The following LRP1B variants were observed in gnomAD, a reference collection of about 807,000 sequenced individuals.
LRP1B encodes low-density lipoprotein receptor-related protein 1B.
Under a neutral mutation model 556.6 loss-of-function variants are expected in LRP1B, and 217 were observed. That is an observed-to-expected ratio of 0.39 (90% confidence interval 0.35 to 0.44). The LOEUF (loss-of-function observed/expected upper bound fraction) is 0.44, where lower values mean the gene tolerates loss of function less well. Ranked by LOEUF, LRP1B falls within the 20% of genes least tolerant of loss-of-function variation. The pLI, the probability that LRP1B is intolerant of heterozygous loss-of-function variation, is 1.00. For synonymous variants in LRP1B, 2,047 were observed against 1,865.8 expected (o/e 1.10, Z -2.50); for missense variants, 5,053 against 5,620.8 (o/e 0.90, Z 3.23).
chr2:140,374,910 G>C (rs1289667605), intron 68 of LRP1B, among the ~76,000 whole-genome samples: 1 of 151,930 alleles, frequency 6.6e-6, no homozygotes, highest in South Asian at 2.1e-4. Context: ...ATAAAATATT[G>C]TTTGGTAAAG....
chr2:141,044,715 AT>A (rs1490938491), intron 11 of LRP1B, among the ~76,000 whole-genome samples: 2 of 150,944 alleles, frequency 1.3e-5, no homozygotes, highest in African/African-American at 4.9e-5. Flanking sequence ...CAAAACCACA[AT>A]GAGATACCAT....
At chr2:141,565,868 C>T (rs951356472) in intron 2 of LRP1B, among the ~76,000 whole-genome samples, 4 of 152,100 alleles carry the variant, frequency 2.6e-5, no homozygotes, top group African/African-American at 9.7e-5. Context: ...TTCTTAAGGT[C>T]AATCATAATT....
chr2:141,171,542 T>C (rs1680497938), intron 7 of LRP1B, among the ~76,000 whole-genome samples: 1 of 149,994 alleles, frequency 6.7e-6, no homozygotes, highest in Admixed American at 6.7e-5. Flanking sequence ...ACTTTGCATA[T>C]TGTCAAGTGC....
intron 7 of LRP1B, among the ~76,000 whole-genome samples, chr2:141,114,888 A>T (rs1700848391): frequency 6.6e-6 from 1 of 151,630 alleles, no homozygotes; most frequent in South Asian, 2.1e-4. Context: ...CAAAAAAAAA[A>T]ATTTATTTTT....
chr2:141,726,031 T>A (rs527268039), intron 2 of LRP1B, among the ~76,000 whole-genome samples: 17 of 151,760 alleles, frequency 1.1e-4, no homozygotes, highest in Non-Finnish European at 2.2e-4. Flanking sequence ...TTAAGATTCC[T>A]TTAAAATTTA....
chr2:140,877,677 T>A (rs970794966), intron 25 of LRP1B, among the ~76,000 whole-genome samples: 22 of 152,254 alleles, frequency 1.4e-4, no homozygotes, highest in Non-Finnish European at 2.8e-4. Context: ...CAGGCAACCA[T>A]TTGTGTCTTA....
Position 141,308,040 on chromosome 2 carries a change from T to C in LRP1B, c.344-53399A>G, listed in dbSNP as rs535277715. Among the ~76,000 whole-genome samples, 4 of 152,244 alleles carry C rather than the reference T, an allele frequency of 2.6e-5. No homozygotes were observed. In the East Asian group the frequency reaches 5.8e-4, roughly 22 times the overall value. ...TTGCAGCAGGTTGGATGTGCTACCT[T>C]ATGGTCTTCAGAAGAAGTGCTTATG... On this transcript the variant is annotated intron_variant, in intron 3 of 90. Transcript: ENST00000389484.
chr2:141,831,325 G>T (rs912967837), intron 1 of LRP1B, among the ~76,000 whole-genome samples: 3 of 151,644 alleles, frequency 2.0e-5, no homozygotes, highest in Admixed American at 6.6e-5. Context: ...TGTAGACATA[G>T]ATTCTGTACC....
intron 23 of LRP1B, among the ~76,000 whole-genome samples, 169 bp downstream of exon 23, chr2:140,902,751 A>G (rs1189406681): frequency 6.6e-6 from 1 of 152,236 alleles, no homozygotes. Flanking sequence ...AAGGATTATT[A>G]TATTTTCTCT....
intron 2 of LRP1B, among the ~76,000 whole-genome samples, chr2:141,491,829 TG>T (rs1185702994): frequency 6.6e-6 from 1 of 152,178 alleles, no homozygotes; most frequent in South Asian, 2.1e-4. Flanking sequence ...AAGAGGCATT[TG>T]TTTTTTTCTT....
intron 31 of LRP1B, among the ~76,000 whole-genome samples, chr2:140,822,502 A>C (rs1355404687): frequency 6.6e-6 from 1 of 152,236 alleles, no homozygotes; most frequent in Non-Finnish European, 1.5e-5. Context: ...CATAAAAACA[A>C]TTCCTCAAAC....
chr2:140,539,699 C>G (rs1403682763), intron 45 of LRP1B, among the ~76,000 whole-genome samples: 3 of 152,104 alleles, frequency 2.0e-5, no homozygotes, highest in Non-Finnish European at 2.9e-5. Flanking sequence ...TCCGGGCTTA[C>G]AGATGGCATC....
At chr2:141,278,986 C>A (rs1203326700) in intron 3 of LRP1B, among the ~76,000 whole-genome samples, 1 of 152,062 alleles carries the variant, frequency 6.6e-6, no homozygotes, top group East Asian at 1.9e-4. Context: ...ATGGACATAC[C>A]TATTTACCTA....
intron 87 of LRP1B, among the ~76,000 whole-genome samples, chr2:140,242,399 T>C (rs1680985261): frequency 6.6e-6 from 1 of 151,178 alleles, no homozygotes; most frequent in African/African-American, 2.4e-5. Flanking sequence ...TGTTTCTCCT[T>C]GTTCTGCAAA....
At chr2:140,809,684 C>T (rs534860257) in intron 32 of LRP1B, among the ~76,000 whole-genome samples, 6 of 152,266 alleles carry the variant, frequency 3.9e-5, no homozygotes, top group South Asian at 2.1e-4. Flanking sequence ...CACCATAAAA[C>T]ATTTATTGTC....
intron 1 of LRP1B, among the ~76,000 whole-genome samples, chr2:141,972,695 C>T (rs1401577968): frequency 4.0e-5 from 6 of 151,294 alleles, no homozygotes; most frequent in South Asian, 2.1e-4. Flanking sequence ...TCTCGAAGCA[C>T]GATTGTTTCC....
chr2:141,965,600 G>C (rs1558991379), intron 1 of LRP1B, among the ~76,000 whole-genome samples: 1 of 95,290 alleles, frequency 1.0e-5, no homozygotes, highest in African/African-American at 4.1e-5. Context: ...CTGTGGTGGG[G>C]AGGGGGGAGG....
intron 3 of LRP1B, among the ~76,000 whole-genome samples, chr2:141,457,693 A>G (rs1207234684): frequency 2.6e-5 from 4 of 152,220 alleles, no homozygotes; most frequent in Non-Finnish European, 4.4e-5. Flanking sequence ...AGTCAGAAAT[A>G]CATAGCTGGA....
intron 6 of LRP1B, among the ~76,000 whole-genome samples, chr2:141,194,223 C>T (rs971456088): frequency 6.6e-6 from 1 of 152,074 alleles, no homozygotes; most frequent in Non-Finnish European, 1.5e-5. Context: ...GACATATGCT[C>T]TCTATATATT....
Sources: gnomAD v4.1 joint callset for allele counts (sites outside exome capture counted in the v4.1 genomes callset) on GRCh38, gnomAD v4.1.1 for gene constraint, MANE v1.5 for transcripts, NCBI Gene and HGNC (gene_info 2026-07-23, HGNC 2026-07-21) for gene names.